The following FBLN5 variants were observed in gnomAD, a reference collection of about 807,000 sequenced individuals.
FBLN5 encodes the protein fibulin-5.
FBLN5 carries 24 observed loss-of-function variants against 61.6 expected under a neutral mutation model. That is an observed-to-expected ratio of 0.39 (90% CI 0.28 to 0.55). The LOEUF (loss-of-function observed/expected upper bound fraction) is 0.55, where lower values mean the gene tolerates loss of function less well. Ranked by LOEUF, FBLN5 falls within the 20% of genes least tolerant of loss-of-function variation. The pLI, the probability that FBLN5 is intolerant of heterozygous loss-of-function variation, is 0.65. For missense variants in FBLN5, 470 were observed against 594.1 expected (o/e 0.79, Z 2.17); for synonymous variants, 213 against 219.8 (o/e 0.97, Z 0.27).
At chr14:91,921,239 T>G (rs534900808) in intron 4 of FBLN5, among the ~76,000 whole-genome samples, 1 of 152,298 alleles carries the variant, frequency 6.6e-6, no homozygotes, top group East Asian at 1.9e-4. Flanking sequence ...AGAGAAGAGC[T>G]GAGACCAAGT....
At chr14:91,879,486 C>T (rs761505329) in intron 9 of FBLN5, among the ~76,000 whole-genome samples, 1 of 152,186 alleles carries the variant, frequency 6.6e-6, no homozygotes, top group Non-Finnish European at 1.5e-5. Context: ...AGTCACGGAG[C>T]ATTGTCAGCG....
chr14:91,875,999 C>T (rs1300058546), intron 10 of FBLN5, among the ~76,000 whole-genome samples: 1 of 152,240 alleles, frequency 6.6e-6, no homozygotes, highest in Non-Finnish European at 1.5e-5. Context: ...ACCCCCACCA[C>T]CAAACTCCAC....
At chr14:91,931,340 A>G (rs961540588) in intron 4 of FBLN5, among the ~76,000 whole-genome samples, 2 of 152,198 alleles carry the variant, frequency 1.3e-5, no homozygotes, top group African/African-American at 4.8e-5. Flanking sequence ...CTCCGTGGCC[A>G]TGCAAAACTC....
intron 4 of FBLN5, among the ~76,000 whole-genome samples, chr14:91,911,363 G>A (rs1222270607): frequency 1.3e-5 from 2 of 152,188 alleles, no homozygotes; most frequent in Admixed American, 1.3e-4. Context: ...TTTGTGAAAG[G>A]AGTTGATAAT....
chr14:91,921,795 AGAAG>A (rs1461841093), intron 4 of FBLN5, among the ~76,000 whole-genome samples: 2 of 152,194 alleles, frequency 1.3e-5, no homozygotes, highest in Admixed American at 1.3e-4. Flanking sequence ...AGTTCCAAAT[AGAAG>A]GAAGAGAAAG....
At chr14:91,870,924 T>G (rs1250820424) in intron 10 of FBLN5, among the ~76,000 whole-genome samples, 1 of 152,122 alleles carries the variant, frequency 6.6e-6, no homozygotes, top group African/African-American at 2.4e-5. Context: ...CCTCTGGGGC[T>G]CATCTCTCAA....
intron 4 of FBLN5, among the ~76,000 whole-genome samples, chr14:91,900,683 T>C (rs2139992444): frequency 6.6e-6 from 1 of 152,308 alleles, no homozygotes; most frequent in South Asian, 2.1e-4. Context: ...GGCAGGGCAA[T>C]TTACTGGATC....
intron 1 of FBLN5, among the ~76,000 whole-genome samples, chr14:91,945,022 G>A (rs2056161859): frequency 6.6e-6 from 1 of 152,184 alleles, no homozygotes; most frequent in Admixed American, 6.5e-5. Context: ...CCCGAGGTCA[G>A]GAGTTTGAGA....
At chr14:91,909,217 A>G (rs995444219) in intron 4 of FBLN5, among the ~76,000 whole-genome samples, 1 of 151,976 alleles carries the variant, frequency 6.6e-6, no homozygotes, top group African/African-American at 2.4e-5. Flanking sequence ...GCGCCCGGCC[A>G]GGAATCAGTA....
chr14:91,887,055 C>T (rs1163775500), intron 7 of FBLN5, 138 bp downstream of exon 7: 1 of 906,572 alleles, frequency 1.1e-6, no homozygotes, highest in African/African-American at 1.6e-5. Flanking sequence ...GATTCTGACC[C>T]CACTGCCCTG....
chr14:91,935,422 A>G (rs2055997816), intron 4 of FBLN5, among the ~76,000 whole-genome samples: 1 of 152,070 alleles, frequency 6.6e-6, no homozygotes, highest in Admixed American at 6.6e-5. Context: ...GAATCATTAC[A>G]CCCTCTTCCT....
intron 6 of FBLN5, among the ~76,000 whole-genome samples, chr14:91,887,657 C>G (rs919513086): frequency 2.6e-5 from 4 of 152,308 alleles, no homozygotes; most frequent in Admixed American, 1.3e-4. Flanking sequence ...CTGCTCCTTC[C>G]ATCACCGGTT....
Position 91,931,257 on chromosome 14 carries a change from C to T in FBLN5, c.379+5690G>A, listed in dbSNP as rs112676697. 5.0e-3 allele frequency among the ~76,000 whole-genome samples: 768 copies of T among 152,256 alleles called. 3 individuals carry two copies. Among genetic ancestry groups the T allele is most frequent in the Middle Eastern group, 0.02 (6 of 294 alleles). On this transcript the variant is annotated intron_variant, in intron 4 of 10. Transcript: ENST00000342058. Reference sequence around the variant, plus strand: ...ACCATCTCAGGAACTCATCAGAGGCCGTCTTGAATTTCAGCTGCTTGTGCT... The same window carrying T: ...ACCATCTCAGGAACTCATCAGAGGCTGTCTTGAATTTCAGCTGCTTGTGCT...
chr14:91,870,239 C>A lies in FBLN5; in HGVS notation c.1332G>T (p.Ser444=), dbSNP rs959066731. ...AGCCCGAGGCTCAGAATGGGTACTGCGACACATATATCCGCAGTCGGATCA... is the reference window on the plus strand; with the variant it reads ...AGCCCGAGGCTCAGAATGGGTACTGAGACACATATATCCGCAGTCGGATCA... ...SSVIRLRIYV[S]QYPF Residue 444 remains serine (S), a synonymous_variant, in exon 11 of 11, where the codon TCG becomes TCT. Transcript: ENST00000342058. 13 of 1,614,082 alleles carry A rather than the reference C, an allele frequency of 8.1e-6. No individual in the cohort carries two copies. Among genetic ancestry groups the A allele is most frequent in the South Asian group, 7.7e-5 (7 of 91,092 alleles).
chr14:91,907,847 C>T (rs780842476), intron 4 of FBLN5, among the ~76,000 whole-genome samples: 1 of 152,046 alleles, frequency 6.6e-6, no homozygotes, highest in Non-Finnish European at 1.5e-5. Flanking sequence ...TGAGATGCCC[C>T]CCACACACTA....
intron 9 of FBLN5, 27 bp downstream of exon 9, chr14:91,881,265 A>G: frequency 1.2e-6 from 2 of 1,613,552 alleles, no homozygotes; most frequent in South Asian, 1.1e-5. Flanking sequence ...TCAGGTTTCT[A>G]TTCCCCAGGG....
At chr14:91,870,408 C>T (rs1888865089) in intron 10 of FBLN5, 23 bp from the exon 11 acceptor site, 1 of 1,612,806 alleles carries the variant, frequency 6.2e-7, no homozygotes, top group Non-Finnish European at 8.5e-7. Context: ...CCGGGGAACA[C>T]CAGTGAGAAA....
intron 4 of FBLN5, among the ~76,000 whole-genome samples, chr14:91,925,023 T>C (rs546203614): frequency 1.1e-4 from 17 of 152,250 alleles, no homozygotes; most frequent in African/African-American, 3.9e-4. Flanking sequence ...ATGGAAACTG[T>C]TGAAGATGCC....
At chr14:91,871,609 G>C (rs1888930695) in intron 10 of FBLN5, among the ~76,000 whole-genome samples, 2 of 152,132 alleles carry the variant, frequency 1.3e-5, no homozygotes, top group Non-Finnish European at 2.9e-5. Flanking sequence ...TGTAATCCCA[G>C]CATTTGGGAG....
Sources: gnomAD v4.1 joint callset for allele counts (sites outside exome capture counted in the v4.1 genomes callset) on GRCh38, gnomAD v4.1.1 for gene constraint, MANE v1.5 for transcripts, NCBI Gene and HGNC (gene_info 2026-07-23, HGNC 2026-07-21) for gene names.